The following FAM53B variants were observed in gnomAD, a reference collection of about 807,000 sequenced individuals.
FAM53B encodes family with sequence similarity 53 member B, also known as protein FAM53B.
Under a neutral mutation model 32.7 loss-of-function variants are expected in FAM53B, and 12 were observed. The observed-to-expected ratio is 0.37, with a 90% CI of 0.24 to 0.59. FAM53B has a LOEUF of 0.59. Ranked by LOEUF, FAM53B falls within the 20% of genes least tolerant of loss-of-function variation. The pLI is 0.72. For missense variants in FAM53B, 477 were observed against 577.7 expected, an observed-to-expected ratio of 0.83 and a Z score of 1.79; for synonymous variants, 234 against 228.7, an observed-to-expected ratio of 1.02 and a Z score of -0.21.
At chr10:124,646,060 T>C (rs1370273552) in intron 4 of FAM53B, among the ~76,000 whole-genome samples, 1 of 152,160 alleles carries the variant, frequency 6.6e-6, no homozygotes, top group Non-Finnish European at 1.5e-5. Context: ...TCAAGGCCTT[T>C]TACTCCAGTC....
At chr10:124,698,431 G>T (rs1949889830) in intron 2 of FAM53B, among the ~76,000 whole-genome samples, 1 of 152,116 alleles carries the variant, frequency 6.6e-6, no homozygotes, top group Non-Finnish European at 1.5e-5. Flanking sequence ...CACCAAGCTG[G>T]CATGTTCTAG....
At chr10:124,731,838 G>A (rs1950145584) in intron 1 of FAM53B, among the ~76,000 whole-genome samples, 2 of 152,170 alleles carry the variant, frequency 1.3e-5, no homozygotes, top group Admixed American at 1.3e-4. Context: ...GGGGACCAGA[G>A]AGATGCTCCC....
At position 124,681,698 on chromosome 10, in the gene FAM53B, A is replaced by T; in HGVS notation, c.815T>A (p.Val272Asp). 3 of 1,612,104 alleles carry T rather than the reference A, an allele frequency of 1.9e-6. No individual in the cohort carries two copies. Among genetic ancestry groups the T allele is most frequent in the Non-Finnish European group, 2.5e-6 (3 of 1,179,160 alleles). Reference sequence around the variant, plus strand: ...AACACCGACCTTCTTGTCGTTAAGGACACACGGCTGGGAGCGGCTGCGGGA... The same window carrying T: ...AACACCGACCTTCTTGTCGTTAAGGTCACACGGCTGGGAGCGGCTGCGGGA... ...GLSRSRSQPC[V>D]LNDKKVGVKR... Residue 272 changes from valine to aspartate, a missense_variant, in exon 4 of 5, where the codon GTC (valine) becomes GAC (aspartate). By Grantham distance (152) the Val-to-Asp change is radical (BLOSUM62 -3). This residue lies in a region of FAM53B where 312 missense variants were observed against 420.2 expected (regional missense o/e 0.74). Coordinates refer to ENST00000337318, the MANE Select transcript of FAM53B (RefSeq NM_014661.4).
chr10:124,728,114 C>T (rs1232361949), intron 1 of FAM53B, among the ~76,000 whole-genome samples: 1 of 152,170 alleles, frequency 6.6e-6, no homozygotes, highest in Non-Finnish European at 1.5e-5. Flanking sequence ...CGCTTGGCTT[C>T]GCGATCCAGT....
At chr10:124,627,911 A>G (rs1399017552) in intron 4 of FAM53B, among the ~76,000 whole-genome samples, 1 of 133,492 alleles carries the variant, frequency 7.5e-6, no homozygotes, top group Admixed American at 7.5e-5. Context: ...GTCCACGGGG[A>G]TACAGACAAA....
At chr10:124,735,053 G>A (rs1352620908) in intron 1 of FAM53B, among the ~76,000 whole-genome samples, 2 of 152,188 alleles carry the variant, frequency 1.3e-5, no homozygotes, top group Admixed American at 6.5e-5. Context: ...GCTGGGGGCA[G>A]GCGCTCCAGC....
intron 4 of FAM53B, among the ~76,000 whole-genome samples, chr10:124,666,081 G>A (rs1256234295): frequency 6.6e-6 from 1 of 152,198 alleles, no homozygotes; most frequent in African/African-American, 2.4e-5. Flanking sequence ...AGCTTCCCAG[G>A]TTATTGGCTG....
Position 124,627,030 on chromosome 10 carries a change from A to G in FAM53B, c.907-3426T>C, listed in dbSNP as rs550453820. Among the ~76,000 whole-genome samples, 97 of 152,358 alleles carry G rather than the reference A, an allele frequency of 6.4e-4. 3 individuals are homozygous for G. The South Asian group carries it at 0.012, about 20-fold the overall frequency. ...ACTGAGTCTCCAGTATTCTTCAAATATACCTGCTTCCTGGCCACAAAGCCA... is the reference window on the plus strand; with the variant it reads ...ACTGAGTCTCCAGTATTCTTCAAATGTACCTGCTTCCTGGCCACAAAGCCA... On this transcript the variant is annotated intron_variant, in intron 4 of 4. Transcript: ENST00000337318.
intron 4 of FAM53B, among the ~76,000 whole-genome samples, chr10:124,649,309 A>C (rs1341562431): frequency 1.3e-5 from 2 of 152,224 alleles, no homozygotes; most frequent in African/African-American, 4.8e-5. Context: ...GCAGCAAACT[A>C]ACCCTGGCAG....
In FAM53B at chr10:124,644,041, G is replaced by A. The variant is rs543552654; in HGVS notation, c.907-20437C>T. Among the ~76,000 whole-genome samples the A allele has an allele frequency of 1.8e-4, 15 of 83,150 alleles. No homozygotes were observed. The South Asian group carries it at 5.8e-3, about 32-fold the overall frequency. The allele number at this position is 83,150 out of a possible 152,430, so 54.5% of individuals were successfully genotyped here. ...AGGGCAAAACTGGCCTTGCTCCAACGAAGATGTGACTCAGGGTAAATTCAC... is the reference window on the plus strand; with the variant it reads ...AGGGCAAAACTGGCCTTGCTCCAACAAAGATGTGACTCAGGGTAAATTCAC... On this transcript the variant is annotated intron_variant, in intron 4 of 4. Transcript: ENST00000337318.
In FAM53B at chr10:124,651,630, G is replaced by C. The variant is rs191689383; in HGVS notation, c.907-28026C>G. On this transcript the variant is annotated intron_variant, in intron 4 of 4. Transcript: ENST00000337318. This position sits in a 1 kb window ranked among gnomAD's most constrained non-coding sequence, Gnocchi z 5.2. The stretch of plus-strand genomic sequence containing the variant: ...CACCTCCGAGACAGTGAGGCCCAGC[G>C]GCCTCCTCATTTCCTCCTCAGGGGA... 6.6e-6 allele frequency among the ~76,000 whole-genome samples: 1 copy of C among 152,064 alleles called. No individual in the cohort carries two copies. Among genetic ancestry groups the C allele is most frequent in the African/African-American group, 2.4e-5 (1 of 41,424 alleles).
intron 4 of FAM53B, among the ~76,000 whole-genome samples, chr10:124,626,893 G>A (rs756134556): frequency 1.2e-4 from 18 of 152,214 alleles, no homozygotes; most frequent in African/African-American, 2.7e-4. Flanking sequence ...CCTGCCTGCC[G>A]AGTCAGGGTG....
intron 4 of FAM53B, among the ~76,000 whole-genome samples, chr10:124,658,822 C>T (rs1949611911): frequency 6.6e-6 from 1 of 152,242 alleles, no homozygotes; most frequent in African/African-American, 2.4e-5. Flanking sequence ...CCGTGTCCGC[C>T]TGTCAAAGCT....
intron 4 of FAM53B, among the ~76,000 whole-genome samples, chr10:124,633,246 G>GAAAAAAAAAAAAAAAAATTAAAAA (rs10535148): frequency 7.4e-6 from 1 of 135,778 alleles, no homozygotes; most frequent in African/African-American, 2.9e-5. Flanking sequence ...AAAATTGATA[G>GAAAAAAAAAAAAAAAAATTAAAAA]AAAAAAAAAA....
At chr10:124,658,906 A>G (rs541238044) in intron 4 of FAM53B, among the ~76,000 whole-genome samples, 6 of 152,334 alleles carry the variant, frequency 3.9e-5, no homozygotes, top group Non-Finnish European at 7.4e-5. Flanking sequence ...CTCAGCACAC[A>G]GACTGCTAGC....
rs1328056479 is a variant in FAM53B at position 124,621,085 on chromosome 10, C to G, written c.*2157G>C. 1 of 152,282 alleles carries G rather than the reference C, an allele frequency of 6.6e-6. No homozygotes were observed. The highest frequency in any genetic ancestry group is 2.4e-5 in the African/African-American group (1 of 41,450). The allele number at this position is 152,282 out of a possible 1,614,324, so 9.4% of individuals were successfully genotyped here. Reference sequence around the variant, plus strand: ...GTCACCATGTGCCTCCCACCCCAGCCCTAAGCAAAGGTAGCTGGGGGCTGC... The same window carrying G: ...GTCACCATGTGCCTCCCACCCCAGCGCTAAGCAAAGGTAGCTGGGGGCTGC... On this transcript the variant is annotated 3_prime_UTR_variant, in exon 5 of 5. Transcript: ENST00000337318.
chr10:124,738,681 C>A (rs981819775), intron 1 of FAM53B, among the ~76,000 whole-genome samples: 2 of 151,870 alleles, frequency 1.3e-5, no homozygotes. Flanking sequence ...GGAGGATATA[C>A]AATTGTGTTC....
At chr10:124,654,304 C>A (rs1164176631) in intron 4 of FAM53B, among the ~76,000 whole-genome samples, 2 of 152,258 alleles carry the variant, frequency 1.3e-5, no homozygotes, top group African/African-American at 2.4e-5. Flanking sequence ...TAGGGCCTGG[C>A]CCTCCCAACC....
chr10:124,673,915 T>C (rs772688275), intron 4 of FAM53B, among the ~76,000 whole-genome samples: 21 of 152,166 alleles, frequency 1.4e-4, no homozygotes, highest in Non-Finnish European at 2.2e-4. Flanking sequence ...GATGCATGCA[T>C]GGTCAGAAAC....
Sources: gnomAD v4.1 joint callset for allele counts (sites outside exome capture counted in the v4.1 genomes callset) on GRCh38, gnomAD v4.1.1 for gene constraint, gnomAD v4.1.1 regional missense constraint, Gnocchi (gnomAD v3.1) non-coding constraint, MANE v1.5 for transcripts, NCBI Gene and HGNC (gene_info 2026-07-23, HGNC 2026-07-21) for gene names.